The following LRRTM4 variants were observed in gnomAD, a reference collection of about 807,000 sequenced individuals.
LRRTM4 encodes leucine rich repeat transmembrane neuronal 4.
Under a neutral mutation model 47.6 loss-of-function variants are expected in LRRTM4, and 25 were observed. The ratio of observed to expected loss-of-function variants is 0.53; its 90% CI spans 0.38 to 0.73. The LOEUF (loss-of-function observed/expected upper bound fraction) is 0.73, where lower values mean the gene tolerates loss of function less well. LRRTM4 is among the 30% of genes least tolerant of loss of function. The pLI, the probability that LRRTM4 is intolerant of heterozygous loss-of-function variation, is 0.00. For missense variants in LRRTM4, 638 were observed against 713.4 expected (o/e 0.89, Z 1.20); for synonymous variants, 311 against 269.5 (o/e 1.15, Z -1.51).
At chr2:76,878,398 A>G (rs114236044) in intron 3 of LRRTM4, among the ~76,000 whole-genome samples, 1,845 of 152,240 alleles carry the variant, frequency 0.012, 38 homozygotes, top group African/African-American at 0.042. Flanking sequence ...GAAGAGTTCA[A>G]TATGTCTAAC....
At chr2:77,245,558 G>T (rs1228074883) in intron 3 of LRRTM4, among the ~76,000 whole-genome samples, 1 of 136,480 alleles carries the variant, frequency 7.3e-6, no homozygotes, top group Admixed American at 7.4e-5. Context: ...GAGAAGAAGA[G>T]AAAGTTTATT....
intron 3 of LRRTM4, among the ~76,000 whole-genome samples, chr2:77,369,989 A>G (rs970789849): frequency 6.6e-6 from 1 of 151,826 alleles, no homozygotes; most frequent in African/African-American, 2.4e-5. Flanking sequence ...AAATATCTTA[A>G]TCTTCATGTT....
intron 3 of LRRTM4, among the ~76,000 whole-genome samples, chr2:76,908,711 A>G (rs935674150): frequency 1.3e-5 from 2 of 152,170 alleles, no homozygotes; most frequent in Non-Finnish European, 2.9e-5. Flanking sequence ...AGACAAACAG[A>G]GAGCCAAATC....
intron 3 of LRRTM4, among the ~76,000 whole-genome samples, chr2:77,066,894 G>A (rs1398683728): frequency 6.6e-6 from 1 of 152,222 alleles, no homozygotes; most frequent in African/African-American, 2.4e-5. Context: ...ACCCATGCAT[G>A]GCTGGCAGAG....
Position 76,812,799 on chromosome 2 carries a change from CT to C in LRRTM4, c.1552-63884del, listed in dbSNP as rs1478434550. ...CCCCCTCCTCCTCTCCCTCCCCCCC[CT>C]CCTCCTCCTTATTCTTCCTCTTGCA... On this transcript the variant is annotated intron_variant, in intron 3 of 3. Coordinates refer to ENST00000409884, the MANE Select transcript of LRRTM4 (RefSeq NM_001134745.3). Among the ~76,000 whole-genome samples the C allele has an allele frequency of 8.9e-4, 82 of 91,770 alleles. 2 individuals are homozygous for C. Among genetic ancestry groups the C allele is most frequent in the East Asian group, 6.8e-3 (11 of 1,618 alleles). 60.2% of individuals were successfully genotyped at this position (91,770 alleles called of 152,430 possible).
At position 77,242,149 on chromosome 2, in the gene LRRTM4, T is replaced by C. The variant is rs185732169; in HGVS notation, c.1551+276169A>G. Among the ~76,000 whole-genome samples the C allele has an allele frequency of 2.4e-3, 364 of 152,310 alleles. 3 individuals carry two copies. The highest frequency in any genetic ancestry group is 3.9e-3 in the Non-Finnish European group (264 of 68,004). On this transcript the variant is annotated intron_variant, in intron 3 of 3. Transcript: ENST00000409884. ...TGCTTCAGATTCCATATAAATTTTA[T>C]GATGAATCTTTCTATTTCTGTAAAA...
At chr2:77,445,610 G>A (rs2103939735) in intron 3 of LRRTM4, among the ~76,000 whole-genome samples, 1 of 152,050 alleles carries the variant, frequency 6.6e-6, no homozygotes, top group South Asian at 2.1e-4. Flanking sequence ...AGCACATTTG[G>A]AAATAAGCTT....
intron 3 of LRRTM4, among the ~76,000 whole-genome samples, chr2:77,343,396 C>T (rs1042588421): frequency 9.2e-5 from 14 of 151,744 alleles, no homozygotes; most frequent in African/African-American, 3.4e-4. Context: ...TTTCTCAAAC[C>T]CCAAATTAAT....
Position 77,274,646 on chromosome 2 carries a change from T to G in LRRTM4, c.1551+243672A>C, listed in dbSNP as rs574867538. Among the ~76,000 whole-genome samples the G allele has an allele frequency of 3.9e-5, 6 of 152,254 alleles. No homozygotes were observed. The South Asian group carries it at 1.2e-3, about 32-fold the overall frequency. ...AAATCCCAACAACTATTATCACAAT[T>G]GTATTAAAAGTATTGGTCTCAGAGA... is the stretch of plus-strand genomic sequence containing the variant. On this transcript the variant is annotated intron_variant, in intron 3 of 3. Coordinates refer to ENST00000409884, the MANE Select transcript of LRRTM4 (RefSeq NM_001134745.3).
chr2:77,386,884 C>T (rs1179403696), intron 3 of LRRTM4, among the ~76,000 whole-genome samples: 1 of 151,902 alleles, frequency 6.6e-6, no homozygotes, highest in African/African-American at 2.4e-5. Context: ...AGCAAACCAC[C>T]GTGGCACATG....
chr2:77,053,101 CAACCTCACTGGTTTAAAGA>C (rs1679493850), intron 3 of LRRTM4, among the ~76,000 whole-genome samples: 1 of 152,082 alleles, frequency 6.6e-6, no homozygotes, highest in African/African-American at 2.4e-5. Flanking sequence ...GTGATAACTA[CAACCTCACTGGTTTAAAGA>C]AACCGTAACT....
At chr2:77,161,171 C>T (rs1043407334) in intron 3 of LRRTM4, among the ~76,000 whole-genome samples, 5 of 152,108 alleles carry the variant, frequency 3.3e-5, no homozygotes, top group Non-Finnish European at 1.5e-5. Flanking sequence ...ATCTTGCTTG[C>T]CATAGTAACC....
At chr2:77,286,333 T>G (rs1461177800) in intron 3 of LRRTM4, among the ~76,000 whole-genome samples, 2 of 151,994 alleles carry the variant, frequency 1.3e-5, no homozygotes, top group African/African-American at 2.4e-5. Context: ...AAAGCTCACA[T>G]TAATAAATTA....
In LRRTM4 at chr2:77,029,157, T is replaced by C. The variant is rs1244152038; in HGVS notation, c.1552-280241A>G. Reference sequence around the variant, plus strand: ...GAATCTATGAGTTAGTAGACAAGTTTGATAACGTTAGTATTTAGAGGTTGT... The same window carrying C: ...GAATCTATGAGTTAGTAGACAAGTTCGATAACGTTAGTATTTAGAGGTTGT... On this transcript the variant is annotated intron_variant, in intron 3 of 3. Transcript: ENST00000409884. Among the ~76,000 whole-genome samples the C allele has an allele frequency of 4.0e-5, 6 of 150,376 alleles. No individual in the cohort carries two copies. The Admixed American group carries it at 4.0e-4, about 10-fold the overall frequency.
chr2:76,979,410 G>T (rs554982321), intron 3 of LRRTM4, among the ~76,000 whole-genome samples: 2 of 151,868 alleles, frequency 1.3e-5, no homozygotes, highest in Admixed American at 6.6e-5. Flanking sequence ...TGTGACCAAG[G>T]TGCTCATATG....
At chr2:77,143,084 C>G (rs1030929296) in intron 3 of LRRTM4, among the ~76,000 whole-genome samples, 3 of 152,160 alleles carry the variant, frequency 2.0e-5, no homozygotes, top group South Asian at 2.1e-4. Context: ...AAATGCTTAT[C>G]TGTATTATGG....
rs375880763 is a variant in LRRTM4, at chr2:77,515,130, T to G, written c.1551+3188A>C. Among the ~76,000 whole-genome samples, 124 of 151,936 alleles carry G rather than the reference T, an allele frequency of 8.2e-4. 5 individuals are homozygous for G. The South Asian group carries it at 0.025, about 30-fold the overall frequency. On this transcript the variant is annotated intron_variant, in intron 3 of 3. Coordinates refer to ENST00000409884, the MANE Select transcript of LRRTM4 (RefSeq NM_001134745.3). ...CACACTGATCCACTCAAAGTATGAT[T>G]AGGATGTATGTATCCCTTATACTTG...
At chr2:77,107,025 C>T (rs1477344147) in intron 3 of LRRTM4, among the ~76,000 whole-genome samples, 1 of 151,958 alleles carries the variant, frequency 6.6e-6, no homozygotes, top group Non-Finnish European at 1.5e-5. Context: ...ACATTTTTCT[C>T]AGCAATTTTT....
At chr2:77,074,694 T>G (rs1044620514) in intron 3 of LRRTM4, among the ~76,000 whole-genome samples, 1 of 152,258 alleles carries the variant, frequency 6.6e-6, no homozygotes, top group Admixed American at 6.5e-5. Flanking sequence ...GAGAACTATT[T>G]AGAAATTAGT....
Sources: gnomAD v4.1 joint callset for allele counts (sites outside exome capture counted in the v4.1 genomes callset) on GRCh38, gnomAD v4.1.1 for gene constraint, MANE v1.5 for transcripts, NCBI Gene and HGNC (gene_info 2026-07-23, HGNC 2026-07-21) for gene names.